The following GRM1 variants were observed in gnomAD, a reference collection of about 807,000 sequenced individuals.
The protein encoded by GRM1 is metabotropic glutamate receptor 1.
GRM1 carries 33 observed loss-of-function variants against 90.9 expected under a neutral mutation model. The ratio of observed to expected loss-of-function variants is 0.36; its 90% CI spans 0.28 to 0.49. The LOEUF is 0.49. GRM1 is among the 20% of genes least tolerant of loss of function. The pLI is 0.99. For synonymous variants in GRM1, 700 were observed against 613.2 expected (o/e 1.14, Z -2.09); for missense variants, 1,190 against 1,534.3 (o/e 0.78, Z 3.75).
chr6:146,180,868 T>C (rs1778526423), intron 2 of GRM1, among the ~76,000 whole-genome samples: 1 of 152,204 alleles, frequency 6.6e-6, no homozygotes, highest in African/African-American at 2.4e-5. Flanking sequence ...GACTCTTGAA[T>C]AAGAACTCAC....
intron 2 of GRM1, among the ~76,000 whole-genome samples, chr6:146,176,810 A>AAT (rs1354998152): frequency 2.6e-4 from 40 of 152,044 alleles, no homozygotes; most frequent in Admixed American, 7.2e-4. Flanking sequence ...ATAATTACTC[A>AAT]TAGAATAATT....
chr6:146,165,894 T>C (rs1777887169), intron 2 of GRM1, among the ~76,000 whole-genome samples: 1 of 152,110 alleles, frequency 6.6e-6, no homozygotes, highest in African/African-American at 2.4e-5. Flanking sequence ...TTATAAACCC[T>C]TCCTATATTC....
At chr6:146,363,087 C>G (rs1471156909) in intron 5 of GRM1, among the ~76,000 whole-genome samples, 3 of 152,158 alleles carry the variant, frequency 2.0e-5, no homozygotes, top group African/African-American at 7.2e-5. Context: ...GATATAGCTA[C>G]TTGAGACAAA....
rs1777079632 is a variant in GRM1, at chr6:146,399,597, C to CT, written c.2559dup (p.Asp854Ter). ...AATGTCCGCAGTGCCTTCACCACCT[C>CT]TGATGTTGTCCGCATGCATGTTGGC... On this transcript the variant is annotated frameshift_variant, in exon 7 of 8. Coordinates refer to ENST00000282753, the MANE Select transcript of GRM1 (RefSeq NM_001278064.2). LOFTEE classifies it high-confidence loss of function. The surrounding 1 kb of genome is among the most constrained non-coding windows in gnomAD (Gnocchi z 5.4). The CT allele has an allele frequency of 6.2e-7, 1 of 1,614,104 alleles. No homozygotes were observed. Among genetic ancestry groups the CT allele is most frequent in the Non-Finnish European group, 8.5e-7 (1 of 1,179,936 alleles).
intron 1 of GRM1, among the ~76,000 whole-genome samples, chr6:146,150,227 T>C (rs2128887779): frequency 6.6e-6 from 1 of 152,262 alleles, no homozygotes; most frequent in Non-Finnish European, 1.5e-5. Flanking sequence ...CCAGCTGATA[T>C]CTGTCTGCAC....
At chr6:146,203,428 G>A (rs993500506) in intron 2 of GRM1, among the ~76,000 whole-genome samples, 1 of 152,082 alleles carries the variant, frequency 6.6e-6, no homozygotes, top group Non-Finnish European at 1.5e-5. Flanking sequence ...ACATAGAAAA[G>A]TGAATGTAGG....
chr6:146,435,522 A>T lies in GRM1; in HGVS notation c.*726A>T, dbSNP rs994068533. On this transcript the variant is annotated 3_prime_UTR_variant, in exon 8 of 8. Coordinates refer to ENST00000282753, the MANE Select transcript of GRM1 (RefSeq NM_001278064.2). ...TCTGCAGATTCCCTTTATTTAGGAA[A>T]ACAGGAATAAGAGCAAAATTATCAC... 3 of 152,978 alleles carry T rather than the reference A, an allele frequency of 2.0e-5. No individual in the cohort carries two copies. Among genetic ancestry groups the T allele is most frequent in the African/African-American group, 7.2e-5 (3 of 41,466 alleles). The allele number at this position is 152,978 out of a possible 1,614,324, so 9.5% of individuals were successfully genotyped here.
intron 1 of GRM1, among the ~76,000 whole-genome samples, chr6:146,121,543 G>T (rs902662450): frequency 6.6e-6 from 1 of 152,060 alleles, no homozygotes; most frequent in African/African-American, 2.4e-5. Flanking sequence ...GTCAATTTTA[G>T]ATCTTTCCTG....
intron 3 of GRM1, among the ~76,000 whole-genome samples, chr6:146,327,565 G>T (rs1224039828): frequency 3.9e-5 from 6 of 152,118 alleles, no homozygotes; most frequent in African/African-American, 1.4e-4. Context: ...GCTTACAAAG[G>T]CTATTTTCTA....
At chr6:146,336,734 T>A (rs556753592) in intron 3 of GRM1, among the ~76,000 whole-genome samples, 1 of 152,290 alleles carries the variant, frequency 6.6e-6, no homozygotes, top group East Asian at 1.9e-4. Context: ...TATTGGCAAC[T>A]CTTCTGATTT....
At chr6:146,068,162 A>T (rs1387215865) in intron 1 of GRM1, among the ~76,000 whole-genome samples, 1 of 149,784 alleles carries the variant, frequency 6.7e-6, no homozygotes, top group Non-Finnish European at 1.5e-5. Context: ...TCCAGGCTGG[A>T]GTGCAGTGGC....
intron 1 of GRM1, among the ~76,000 whole-genome samples, chr6:146,125,450 T>A (rs1776161474): frequency 6.6e-6 from 1 of 151,794 alleles, no homozygotes; most frequent in South Asian, 2.1e-4. Flanking sequence ...CTCTTTCTTT[T>A]CTTTCTTTCT....
intron 2 of GRM1, among the ~76,000 whole-genome samples, chr6:146,277,312 G>T (rs762492851): frequency 6.6e-6 from 1 of 152,166 alleles, no homozygotes; most frequent in Non-Finnish European, 1.5e-5. Context: ...CCCCTTGGTA[G>T]CTCCTGGGAG....
intron 5 of GRM1, among the ~76,000 whole-genome samples, chr6:146,371,080 G>A (rs1342775208): frequency 1.3e-5 from 2 of 150,822 alleles, no homozygotes; most frequent in Non-Finnish European, 1.5e-5. Flanking sequence ...ATTCTTTCAC[G>A]TACATTGTTG....
intron 3 of GRM1, among the ~76,000 whole-genome samples, chr6:146,348,057 A>G (rs942865631): frequency 2.0e-5 from 3 of 152,254 alleles, no homozygotes; most frequent in Non-Finnish European, 2.9e-5. Flanking sequence ...TCCATTTAGC[A>G]TATTACAAAA....
chr6:146,175,647 C>A (rs1778313155), intron 2 of GRM1, among the ~76,000 whole-genome samples: 1 of 151,994 alleles, frequency 6.6e-6, no homozygotes. Flanking sequence ...CAGGATCCAT[C>A]TCATAAATCC....
intron 1 of GRM1, among the ~76,000 whole-genome samples, chr6:146,126,118 C>T (rs1432754100): frequency 6.6e-6 from 1 of 152,050 alleles, no homozygotes; most frequent in Non-Finnish European, 1.5e-5. Context: ...CTTATACCAA[C>T]AAGGATCAAA....
At chr6:146,276,716 A>G (rs967411925) in intron 2 of GRM1, among the ~76,000 whole-genome samples, 1 of 152,214 alleles carries the variant, frequency 6.6e-6, no homozygotes. Context: ...ATCTTGACTA[A>G]AGAATAAAAT....
At chr6:146,133,570 C>T (rs1271402864) in intron 1 of GRM1, among the ~76,000 whole-genome samples, 1 of 152,116 alleles carries the variant, frequency 6.6e-6, no homozygotes, top group Non-Finnish European at 1.5e-5. Flanking sequence ...CTTCCTTGCC[C>T]ATCTTTTTCC....
Sources: gnomAD v4.1 joint callset for allele counts (sites outside exome capture counted in the v4.1 genomes callset) on GRCh38, gnomAD v4.1.1 for gene constraint, Gnocchi (gnomAD v3.1) non-coding constraint, MANE v1.5 for transcripts, NCBI Gene and HGNC (gene_info 2026-07-23, HGNC 2026-07-21) for gene names.